The following ANXA4 variants were observed in gnomAD, a reference collection of about 807,000 sequenced individuals.
The protein encoded by ANXA4 is 35-beta calcimedin.
Under a neutral mutation model 49.8 loss-of-function variants are expected in ANXA4, and 39 were observed. That is an observed-to-expected ratio of 0.78 (90% confidence interval 0.61 to 1.02). The LOEUF is 1.02. ANXA4 is among the 50% of genes least tolerant of loss of function. The pLI, the probability that ANXA4 is intolerant of heterozygous loss-of-function variation, is 0.00. For synonymous variants in ANXA4, 134 were observed against 152.5 expected (o/e 0.88, Z 0.89); for missense variants, 360 against 410.1 (o/e 0.88, Z 1.05).
rs536777761 is a variant in ANXA4 at position 69,671,045 on chromosome 2, A to G, written n.766+17763A>G. On this transcript the variant is annotated intron_variant and non_coding_transcript_variant, in intron 2 of 3. Transcript: ENST00000418066. ...CATCTCAAAAAAAAAAAAAAAAAAA[A>G]AAAAGAAGGGAATACCATCAATAAT... is the stretch of plus-strand genomic sequence containing the variant. 8.2e-3 allele frequency among the ~76,000 whole-genome samples: 1,237 copies of G among 151,372 alleles called. 13 individuals carry two copies. The highest frequency in any genetic ancestry group is 0.014 in the Non-Finnish European group (943 of 67,802).
intron 3 of ANXA4, chr2:69,803,324 T>G (rs926798676): frequency 6.6e-6 from 1 of 152,208 alleles, no homozygotes; most frequent in African/African-American, 2.4e-5. Context: ...TTTGGCTGTA[T>G]TTTTTCATTT....
intron 2 of ANXA4, among the ~76,000 whole-genome samples, chr2:69,668,249 T>C (rs1677016883): frequency 2.6e-5 from 4 of 152,212 alleles, no homozygotes; most frequent in Admixed American, 2.6e-4. Flanking sequence ...GAAATTTTTT[T>C]CTATTTTTAT....
chr2:69,748,152 G>C (rs948523256), intron 1 of ANXA4, among the ~76,000 whole-genome samples: 1 of 151,912 alleles, frequency 6.6e-6, no homozygotes, highest in South Asian at 2.1e-4. Flanking sequence ...GAGGCGGGTG[G>C]ATCACGAGGT....
chr2:69,809,546 GGCT>G (rs1673602863), intron 6 of ANXA4: 1 of 152,074 alleles, frequency 6.6e-6, no homozygotes, highest in South Asian at 2.1e-4. Context: ...GCATGGTCAT[GGCT>G]CACTGCAGCC....
At chr2:69,658,603 A>G (rs1676595918) in intron 2 of ANXA4, among the ~76,000 whole-genome samples, 1 of 150,260 alleles carries the variant, frequency 6.7e-6, no homozygotes, top group South Asian at 2.1e-4. Flanking sequence ...AATAGAAATA[A>G]TGTTCATTTC....
chr2:69,712,136 A>G (rs1678697340), intron 2 of ANXA4, among the ~76,000 whole-genome samples: 2 of 152,034 alleles, frequency 1.3e-5, no homozygotes, highest in African/African-American at 4.8e-5. Flanking sequence ...CCACACACAT[A>G]CATACAGACA....
chr2:69,757,271 T>A (rs1356046735), intron 1 of ANXA4, among the ~76,000 whole-genome samples: 26 of 49,776 alleles, frequency 5.2e-4, no homozygotes, highest in African/African-American at 2.7e-3. Flanking sequence ...TATATATTTT[T>A]TTTTTTTTTT....
At chr2:69,786,969 C>T (rs990713672) in intron 2 of ANXA4, among the ~76,000 whole-genome samples, 1 of 152,190 alleles carries the variant, frequency 6.6e-6, no homozygotes, top group Non-Finnish European at 1.5e-5. Flanking sequence ...AAGAGATCTG[C>T]CTGCCTCAGC....
chr2:69,648,189 G>A (rs776687918), intron 1 of ANXA4, among the ~76,000 whole-genome samples: 2 of 152,190 alleles, frequency 1.3e-5, no homozygotes, highest in Non-Finnish European at 2.9e-5. Flanking sequence ...TCTATGAAGT[G>A]TGCATTACTT....
At chr2:69,699,338 C>A (rs1023956323) in intron 2 of ANXA4, among the ~76,000 whole-genome samples, 1 of 152,096 alleles carries the variant, frequency 6.6e-6, no homozygotes, top group African/African-American at 2.4e-5. Context: ...TTAGAGGACA[C>A]CCACATAGTA....
chr2:69,765,979 G>T (rs1357029148), intron 1 of ANXA4, among the ~76,000 whole-genome samples: 1 of 152,216 alleles, frequency 6.6e-6, no homozygotes, highest in Non-Finnish European at 1.5e-5. Context: ...TATGTGCAAG[G>T]CACTGCTAAA....
At chr2:69,817,872 A>G (rs1053154286) in intron 9 of ANXA4, 4 of 152,230 alleles carry the variant, frequency 2.6e-5, no homozygotes, top group Non-Finnish European at 5.9e-5. Flanking sequence ...AAAAGTTCCC[A>G]GGAGAGAGTC....
intron 2 of ANXA4, among the ~76,000 whole-genome samples, chr2:69,664,693 C>T (rs943262993): frequency 1.2e-4 from 18 of 152,192 alleles, no homozygotes; most frequent in Admixed American, 2.6e-4. Context: ...TGTTCAATCC[C>T]ATGTGCTCTT....
intron 2 of ANXA4, among the ~76,000 whole-genome samples, chr2:69,787,194 C>A (rs1672454086): frequency 6.6e-6 from 1 of 152,170 alleles, no homozygotes; most frequent in South Asian, 2.1e-4. Context: ...AAAACCAAGT[C>A]GTTAGTGTCA....
intron 3 of ANXA4, among the ~76,000 whole-genome samples, chr2:69,724,133 A>G (rs1427340664): frequency 6.6e-6 from 1 of 152,194 alleles, no homozygotes; most frequent in African/African-American, 2.4e-5. Flanking sequence ...AAAAAGAAAA[A>G]AAGAAAAAGA....
intron 2 of ANXA4, among the ~76,000 whole-genome samples, chr2:69,711,867 A>G: frequency 6.6e-6 from 1 of 151,834 alleles, no homozygotes; most frequent in East Asian, 1.9e-4. Context: ...AGGTTGAGTT[A>G]ATGAGGGCAC....
intron 2 of ANXA4, among the ~76,000 whole-genome samples, chr2:69,699,653 CAAAA>C (rs971084955): frequency 1.3e-5 from 2 of 151,816 alleles, no homozygotes; most frequent in Non-Finnish European, 2.9e-5. Context: ...CAAAACAAAA[CAAAA>C]AACAAGAAAC....
At chr2:69,739,572 AT>A (rs748559398), upstream of ANXA4, among the ~76,000 whole-genome samples, 3,466 of 140,430 alleles carry the variant, frequency 0.025, 46 homozygotes, top group Middle Eastern at 0.033. Context: ...GGCTTGGCTA[AT>A]TTTTTTTTTT....
chr2:69,819,123 G>C (rs3732269), intron 10 of ANXA4, among the ~76,000 whole-genome samples, 157 bp from the exon 11 acceptor site: 34,514 of 152,048 alleles, frequency 0.23, 4,253 homozygotes, highest in East Asian at 0.39. Flanking sequence ...AAAATACATA[G>C]AGCATCGCCT....
Sources: gnomAD v4.1 joint callset for allele counts (sites outside exome capture counted in the v4.1 genomes callset) on GRCh38, gnomAD v4.1.1 for gene constraint, MANE v1.5 for transcripts, NCBI Gene and HGNC (gene_info 2026-07-23, HGNC 2026-07-21) for gene names.